The following MELK variants were observed in gnomAD, a reference collection of about 807,000 sequenced individuals.
The protein encoded by MELK is maternal embryonic leucine zipper kinase.
In MELK, 81 loss-of-function variants were observed where a neutral mutation model predicts 85.0. That is an observed-to-expected ratio of 0.95 (90% CI 0.80 to 1.15). The LOEUF is 1.15. Among genes scored for constraint, MELK ranks in the 50% most tolerant of loss-of-function variants. The pLI is 0.00. For synonymous variants in MELK, 252 were observed against 265.0 expected (o/e 0.95, Z 0.48); for missense variants, 754 against 777.5 (o/e 0.97, Z 0.36).
intron 12 of MELK, among the ~76,000 whole-genome samples, chr9:36,655,055 C>T (rs1275582990): frequency 6.6e-6 from 1 of 152,298 alleles, no homozygotes; most frequent in East Asian, 1.9e-4. Flanking sequence ...AACAGCAGTA[C>T]AGACTGATCC....
intron 7 of MELK, among the ~76,000 whole-genome samples, chr9:36,602,218 C>T (rs961905822): frequency 6.6e-6 from 1 of 151,982 alleles, no homozygotes; most frequent in African/African-American, 2.4e-5. Flanking sequence ...ATGGGCTGGG[C>T]GCGGTGGCTC....
intron 10 of MELK, among the ~76,000 whole-genome samples, chr9:36,639,337 T>C (rs928927641): frequency 6.6e-6 from 1 of 152,236 alleles, no homozygotes; most frequent in Admixed American, 6.5e-5. Context: ...GATTTGCTTT[T>C]CTCTTTCAGT....
At chr9:36,662,453 A>G (rs1307501913) in intron 13 of MELK, among the ~76,000 whole-genome samples, 3 of 152,132 alleles carry the variant, frequency 2.0e-5, no homozygotes, top group Non-Finnish European at 2.9e-5. Flanking sequence ...CATGTTGGCC[A>G]GGCTGGTCTC....
intron 16 of MELK, among the ~76,000 whole-genome samples, chr9:36,673,775 T>C (rs1185420283): frequency 3.9e-5 from 6 of 152,212 alleles, no homozygotes; most frequent in Non-Finnish European, 8.8e-5. Context: ...ATATATAACA[T>C]CTGTGAAACC....
At position 36,630,362 on chromosome 9, in the gene MELK, C is replaced by G; in HGVS notation, c.730C>G (p.Leu244Val). 1 of 1,603,054 alleles carries G rather than the reference C, an allele frequency of 6.2e-7. No individual in the cohort carries two copies. The highest frequency in any genetic ancestry group is 8.5e-7 in the Non-Finnish European group (1 of 1,172,008). The change falls in exon 9 of 18, where the codon CTG (leucine) becomes GTG (valine). Residue 244 changes from leucine to valine, a missense_variant. Coordinates refer to ENST00000298048, the MANE Select transcript of MELK (RefSeq NM_014791.4). ...PSSILLLQQM[L>V]QVDPKKRISM... The stretch of plus-strand genomic sequence containing the variant: ...TAGCATTCTGCTTCTTCAACAAATG[C>G]TGCAGGTAAACTTTATTTTTAAATA...
chr9:36,612,716 A>T (rs537666593), intron 8 of MELK, among the ~76,000 whole-genome samples: 2 of 152,348 alleles, frequency 1.3e-5, no homozygotes, highest in East Asian at 3.9e-4. Flanking sequence ...TTGGCTCAAA[A>T]ATTAATGTGT....
At chr9:36,675,416 G>A (rs551538505) in intron 17 of MELK, among the ~76,000 whole-genome samples, 13 of 152,326 alleles carry the variant, frequency 8.5e-5, no homozygotes, top group African/African-American at 2.9e-4. Flanking sequence ...TTTGGTTCAA[G>A]CTATAAAAGT....
At chr9:36,651,197 G>T (rs980185869) in intron 11 of MELK, among the ~76,000 whole-genome samples, 8 of 152,102 alleles carry the variant, frequency 5.3e-5, no homozygotes, top group Admixed American at 1.3e-4. Flanking sequence ...AATTGGAAAG[G>T]CAGGCGTCTC....
intron 7 of MELK, among the ~76,000 whole-genome samples, chr9:36,604,098 T>A (rs923377490): frequency 1.3e-5 from 2 of 150,622 alleles, no homozygotes; most frequent in African/African-American, 4.9e-5. Context: ...GCCTCCCGAA[T>A]TGCTGGAATT....
At chr9:36,615,192 G>A (rs1445019522) in intron 8 of MELK, among the ~76,000 whole-genome samples, 1 of 142,010 alleles carries the variant, frequency 7.0e-6, no homozygotes, top group African/African-American at 2.7e-5. Context: ...CTGGCCGGGC[G>A]GGGGGCTGAC....
At chr9:36,667,132 ATCTTTTTTTTCCCCTTTTTT>A (rs998434872) in intron 14 of MELK, among the ~76,000 whole-genome samples, 6 of 151,138 alleles carry the variant, frequency 4.0e-5, no homozygotes, top group Non-Finnish European at 7.4e-5. Flanking sequence ...TCATTCAACG[ATCTTTTTTTTCCCCTTTTTT>A]TCTTTTTTTT....
At chr9:36,594,569 A>T in intron 4 of MELK, 59 bp from the exon 5 acceptor site, 1 of 1,565,628 alleles carries the variant, frequency 6.4e-7, no homozygotes, top group Non-Finnish European at 8.7e-7. Flanking sequence ...TTTATTTTAA[A>T]TTTCTGTGAA....
chr9:36,640,869 G>T (rs141891355), intron 10 of MELK, among the ~76,000 whole-genome samples: 245 of 152,310 alleles, frequency 1.6e-3, no homozygotes, highest in African/African-American at 5.7e-3. Flanking sequence ...AGGTTTCAGC[G>T]TATGAATTGA....
At chr9:36,675,836 A>G (rs1833296300) in intron 17 of MELK, among the ~76,000 whole-genome samples, 3 of 152,238 alleles carry the variant, frequency 2.0e-5, no homozygotes, top group Admixed American at 2.0e-4. Flanking sequence ...AGAGACATGC[A>G]TGGATTTAAA....
chr9:36,654,603 G>A (rs1831048900), intron 12 of MELK, among the ~76,000 whole-genome samples: 1 of 151,842 alleles, frequency 6.6e-6, no homozygotes, highest in African/African-American at 2.4e-5. Flanking sequence ...TGATCCACCT[G>A]CCTCAGCCTC....
intron 12 of MELK, among the ~76,000 whole-genome samples, chr9:36,655,185 A>G (rs1309547248): frequency 2.0e-5 from 3 of 152,194 alleles, no homozygotes; most frequent in South Asian, 2.1e-4. Context: ...GAGTCAAGAC[A>G]TATATATACA....
chr9:36,625,512 C>A (rs1226437277), intron 8 of MELK, among the ~76,000 whole-genome samples: 2 of 152,166 alleles, frequency 1.3e-5, no homozygotes, highest in Non-Finnish European at 2.9e-5. Flanking sequence ...ACCCCTCCTT[C>A]CCAGGGATAG....
Position 36,652,102 on chromosome 9 carries a change from A to G in MELK, c.1053+225A>G, listed in dbSNP as rs183287672. On this transcript the variant is annotated intron_variant, in intron 12 of 17. Coordinates refer to ENST00000298048, the MANE Select transcript of MELK (RefSeq NM_014791.4). ...CACTCTGTCATCTAGGCTGGAGTGC[A>G]GTGGCATGACCTCAGCTCACTGCAA... Among the ~76,000 whole-genome samples the G allele has an allele frequency of 2.1e-3, 257 of 121,776 alleles. 1 individual carries two copies. Among genetic ancestry groups the G allele is most frequent in the South Asian group, 0.011 (39 of 3,536 alleles). The allele number at this position is 121,776 out of a possible 152,430, so 79.9% of individuals were successfully genotyped here. A position where few individuals can be genotyped will look rare whatever the true frequency, so the allele number is the denominator to read the frequency against.
chr9:36,673,112 C>T (rs944977871), intron 16 of MELK, among the ~76,000 whole-genome samples: 4 of 152,046 alleles, frequency 2.6e-5, no homozygotes, highest in Admixed American at 2.6e-4. Flanking sequence ...ATAAAAAATC[C>T]AAAATTTAAG....
Sources: allele counts gnomAD v4.1 joint callset (sites outside exome capture counted in the v4.1 genomes callset), GRCh38; gene constraint gnomAD v4.1.1; transcripts MANE v1.5; gene names NCBI Gene and HGNC (gene_info 2026-07-23, HGNC 2026-07-21).